NELL1: variants seen among roughly 807,000 people sequenced by gnomAD.
NELL1 encodes the protein neural EGFL like 1.
Under a neutral mutation model 107.4 loss-of-function variants are expected in NELL1, and 76 were observed. That is an observed-to-expected ratio of 0.71 (90% CI 0.59 to 0.86). NELL1 has a LOEUF of 0.86. Among genes scored for constraint, NELL1 ranks in the 40% least tolerant of loss-of-function variants. The pLI is 0.00. For missense variants in NELL1, 1,024 were observed against 1,005.5 expected, an observed-to-expected ratio of 1.02 and a Z score of -0.25; for synonymous variants, 353 against 341.2, an observed-to-expected ratio of 1.03 and a Z score of -0.38.
intron 15 of NELL1, among the ~76,000 whole-genome samples, chr11:21,484,837 C>G (rs1854585798): frequency 6.6e-6 from 1 of 152,020 alleles, no homozygotes; most frequent in African/African-American, 2.4e-5. Context: ...TCCTTACATG[C>G]AGTTAGTACA....
At chr11:20,778,003 A>C (rs1004146655) in intron 2 of NELL1, among the ~76,000 whole-genome samples, 2 of 152,196 alleles carry the variant, frequency 1.3e-5, no homozygotes, top group African/African-American at 4.8e-5. Flanking sequence ...TCTCTGCTGA[A>C]CTTGTAGTAA....
chr11:21,062,656 A>G (rs1323315412), intron 12 of NELL1, among the ~76,000 whole-genome samples: 1 of 152,136 alleles, frequency 6.6e-6, no homozygotes. Context: ...TACAAGCTAA[A>G]GGGCACATTC....
chr11:21,519,067 G>A (rs1226291575), intron 15 of NELL1, among the ~76,000 whole-genome samples: 4 of 152,142 alleles, frequency 2.6e-5, no homozygotes, highest in Non-Finnish European at 5.9e-5. Context: ...AAAGAAGGCT[G>A]TATCTCTCTA....
At chr11:20,782,677 T>A (rs1222778736) in intron 2 of NELL1, among the ~76,000 whole-genome samples, 1 of 152,188 alleles carries the variant, frequency 6.6e-6, no homozygotes, top group East Asian at 1.9e-4. Flanking sequence ...CCTGGAGAAA[T>A]AACCATGTAG....
chr11:21,328,327 C>T (rs1420855390), intron 14 of NELL1, among the ~76,000 whole-genome samples: 1 of 152,144 alleles, frequency 6.6e-6, no homozygotes, highest in East Asian at 1.9e-4. Flanking sequence ...TGCAAGCCTT[C>T]AGCCTTGGCA....
chr11:21,456,203 T>C (rs894932508), intron 15 of NELL1, among the ~76,000 whole-genome samples: 1 of 152,156 alleles, frequency 6.6e-6, no homozygotes, highest in Non-Finnish European at 1.5e-5. Flanking sequence ...TTTCTTCTTT[T>C]GCTTGGGACT....
At chr11:21,473,881 G>T (rs1854250218) in intron 15 of NELL1, among the ~76,000 whole-genome samples, 1 of 151,966 alleles carries the variant, frequency 6.6e-6, no homozygotes, top group Non-Finnish European at 1.5e-5. Context: ...CAAGTCTTTA[G>T]GTTCCAACAG....
chr11:21,257,750 G>A lies in NELL1; in HGVS notation c.1549+28296G>A, dbSNP rs369254965. ...CAGTGAGAATACAAATGGATTGAAAGAGAACCAGGAGTTGTGGCTAAAGTG... is the reference window on the plus strand; with the variant it reads ...CAGTGAGAATACAAATGGATTGAAAAAGAACCAGGAGTTGTGGCTAAAGTG... On this transcript the variant is annotated intron_variant, in intron 14 of 19. Coordinates refer to ENST00000357134, the MANE Select transcript of NELL1 (RefSeq NM_006157.5). Among the ~76,000 whole-genome samples, 23 of 152,102 alleles carry A rather than the reference G, an allele frequency of 1.5e-4. No homozygotes were observed. The East Asian group carries it at 2.9e-3, about 19-fold the overall frequency.
chr11:21,200,859 C>G (rs1244352239), intron 13 of NELL1, among the ~76,000 whole-genome samples: 3 of 152,168 alleles, frequency 2.0e-5, no homozygotes, highest in Non-Finnish European at 4.4e-5. Context: ...ATACGGCTAG[C>G]CAGTTTACCC....
chr11:21,059,112 G>A (rs767150928), intron 12 of NELL1, among the ~76,000 whole-genome samples: 1 of 151,782 alleles, frequency 6.6e-6, no homozygotes, highest in Admixed American at 6.6e-5. Context: ...TATCCTTCAG[G>A]GCTCAGCACA....
At position 21,422,692 on chromosome 11, in the gene NELL1, A is replaced by G. The variant is rs150107739; in HGVS notation, c.1645+51744A>G. Among the ~76,000 whole-genome samples, 82 of 152,304 alleles carry G rather than the reference A, an allele frequency of 5.4e-4. 1 individual carries two copies. The East Asian group carries it at 0.016, about 29-fold the overall frequency. On this transcript the variant is annotated intron_variant, in intron 15 of 19. Transcript: ENST00000357134. The stretch of plus-strand genomic sequence containing the variant: ...ACAAAGTTGTTGTAGCATATACACA[A>G]AAAGAAATAAGAAGGGAATTAATAC...
intron 15 of NELL1, among the ~76,000 whole-genome samples, chr11:21,375,887 A>G (rs867474261): frequency 4.8e-5 from 4 of 83,966 alleles, no homozygotes; most frequent in African/African-American, 1.4e-4. Context: ...TCTCTTGTCA[A>G]TGGAGTTATC....
intron 2 of NELL1, among the ~76,000 whole-genome samples, chr11:20,726,546 TAAAA>T (rs757837945): frequency 2.7e-5 from 4 of 148,544 alleles, no homozygotes; most frequent in Non-Finnish European, 6.0e-5. Flanking sequence ...GTTCCTGCTT[TAAAA>T]AAAAAACACT....
At chr11:20,726,558 A>T (rs1452709105) in intron 2 of NELL1, among the ~76,000 whole-genome samples, 1 of 151,852 alleles carries the variant, frequency 6.6e-6, no homozygotes, top group South Asian at 2.1e-4. Context: ...AAAAAAAAAC[A>T]CTCAATATTA....
rs200762415 is a variant in NELL1, at chr11:20,893,159, C to G, written c.603+7619C>G. 4.0e-5 allele frequency among the ~76,000 whole-genome samples: 6 copies of G among 151,812 alleles called. No homozygotes were observed. The East Asian group carries it at 9.7e-4, about 24-fold the overall frequency. ...CATCCTCAGCAAACCAACACAGGAA[C>G]AGAAAACCAAACACTGCATGTTCTT... is the stretch of plus-strand genomic sequence containing the variant. On this transcript the variant is annotated intron_variant, in intron 5 of 19. Coordinates refer to ENST00000357134, the MANE Select transcript of NELL1 (RefSeq NM_006157.5).
At chr11:20,790,287 C>T (rs1857048249) in intron 3 of NELL1, among the ~76,000 whole-genome samples, 1 of 152,182 alleles carries the variant, frequency 6.6e-6, no homozygotes, top group Non-Finnish European at 1.5e-5. Flanking sequence ...AGCTTCCCTC[C>T]TATGCTCATT....
At chr11:21,248,926 C>T (rs1858566677) in intron 14 of NELL1, among the ~76,000 whole-genome samples, 1 of 151,998 alleles carries the variant, frequency 6.6e-6, no homozygotes, top group African/African-American at 2.4e-5. Context: ...TCTGGAAGAA[C>T]ATGATGACAG....
intron 14 of NELL1, among the ~76,000 whole-genome samples, chr11:21,340,620 T>TACACACACACACACACACAC (rs71034506): frequency 4.2e-5 from 6 of 141,708 alleles, no homozygotes; most frequent in Admixed American, 3.5e-4. Flanking sequence ...TATGACGGGT[T>TACACACACACACACACACAC]ACACACACAC....
rs576293804 is a variant in NELL1, at chr11:20,808,815, C to A, written c.335+24985C>A. On this transcript the variant is annotated intron_variant, in intron 3 of 19. Coordinates refer to ENST00000357134, the MANE Select transcript of NELL1 (RefSeq NM_006157.5). ...GCAAAGTCCCACAATCATTGTACTC[C>A]CTCTCTCCTTAGTGCACAGATTCTT... 1.5e-4 allele frequency among the ~76,000 whole-genome samples: 23 copies of A among 152,300 alleles called. No individual in the cohort carries two copies. The Middle Eastern group carries it at 0.01, about 68-fold the overall frequency.
Sources: gnomAD v4.1 joint callset for allele counts (sites outside exome capture counted in the v4.1 genomes callset) on GRCh38, gnomAD v4.1.1 for gene constraint, MANE v1.5 for transcripts, NCBI Gene and HGNC (gene_info 2026-07-23, HGNC 2026-07-21) for gene names.